The following CFAP77 variants were observed in gnomAD, a reference collection of about 807,000 sequenced individuals.
The protein encoded by CFAP77 is cilia and flagella associated protein 77, also known as cilia- and flagella-associated protein 77.
A neutral mutation model predicts 31.1 loss-of-function variants in CFAP77; 25 were observed. That is an observed-to-expected ratio of 0.80 (90% confidence interval 0.59 to 1.12). The LOEUF is 1.12. Among genes scored for constraint, CFAP77 ranks in the 50% most tolerant of loss-of-function variants. The pLI is 0.00. For missense variants in CFAP77, 377 were observed against 397.3 expected, an observed-to-expected ratio of 0.95 and a Z score of 0.44; for synonymous variants, 151 against 159.9, an observed-to-expected ratio of 0.94 and a Z score of 0.42.
intron 3 of CFAP77, among the ~76,000 whole-genome samples, chr9:132,535,739 A>G (rs572169685): frequency 6.6e-6 from 1 of 152,084 alleles, no homozygotes; most frequent in South Asian, 2.1e-4. Flanking sequence ...ATAAATAAAT[A>G]AATAAATAAA....
intron 5 of CFAP77, among the ~76,000 whole-genome samples, chr9:132,556,506 C>T: frequency 6.6e-6 from 1 of 152,148 alleles, no homozygotes; most frequent in East Asian, 1.9e-4. Flanking sequence ...TCCTCCATCT[C>T]CCATTCACTC....
At chr9:132,535,961 G>T (rs1852535181) in intron 3 of CFAP77, among the ~76,000 whole-genome samples, 1 of 151,838 alleles carries the variant, frequency 6.6e-6, no homozygotes, top group Non-Finnish European at 1.5e-5. Flanking sequence ...TTTCCTTCCT[G>T]TTCTCTCCCT....
chr9:132,431,213 C>T (rs1182918073), intron 1 of CFAP77, among the ~76,000 whole-genome samples: 1 of 152,212 alleles, frequency 6.6e-6, no homozygotes, highest in Non-Finnish European at 1.5e-5. Flanking sequence ...AACTTCCGTC[C>T]ACTGCAGAAG....
intron 1 of CFAP77, among the ~76,000 whole-genome samples, chr9:132,461,151 T>A (rs1278535493): frequency 6.6e-6 from 1 of 152,258 alleles, no homozygotes; most frequent in Non-Finnish European, 1.5e-5. Flanking sequence ...AAGTGCTGAA[T>A]GAAGGTTGGC....
At chr9:132,423,411 C>T (rs1850260927) in intron 1 of CFAP77, among the ~76,000 whole-genome samples, 2 of 152,224 alleles carry the variant, frequency 1.3e-5, no homozygotes, top group African/African-American at 4.8e-5. Flanking sequence ...TGCCCACTGA[C>T]AGCTGCTGCC....
At chr9:132,530,298 GTCTC>G (rs199847508) in intron 3 of CFAP77, among the ~76,000 whole-genome samples, 16 of 149,054 alleles carry the variant, frequency 1.1e-4, no homozygotes, top group African/African-American at 3.7e-4. Flanking sequence ...TTGAGACGGA[GTCTC>G]TCTCTCTCTG....
At chr9:132,426,041 C>G (rs993037819) in intron 1 of CFAP77, among the ~76,000 whole-genome samples, 1 of 152,198 alleles carries the variant, frequency 6.6e-6, no homozygotes, top group Non-Finnish European at 1.5e-5. Flanking sequence ...CACAAGCCGG[C>G]CAGTCATTCT....
chr9:132,493,206 T>C (rs1177921737), intron 1 of CFAP77, among the ~76,000 whole-genome samples: 1 of 152,074 alleles, frequency 6.6e-6, no homozygotes, highest in Non-Finnish European at 1.5e-5. Context: ...ATGATGGGGC[T>C]TTTCTGAGTG....
At chr9:132,533,284 G>C (rs1852489514) in intron 3 of CFAP77, among the ~76,000 whole-genome samples, 1 of 152,226 alleles carries the variant, frequency 6.6e-6, no homozygotes, top group South Asian at 2.1e-4. Context: ...GGGAAAGGTG[G>C]TTCCCATCGA....
intron 1 of CFAP77, among the ~76,000 whole-genome samples, chr9:132,440,387 G>A (rs570022458): frequency 6.6e-6 from 1 of 151,982 alleles, no homozygotes; most frequent in Non-Finnish European, 1.5e-5. Flanking sequence ...CACATTGACC[G>A]AACAGTTTCT....
Position 132,490,235 on chromosome 9 carries a change from C to T in CFAP77, c.196-8460C>T, listed in dbSNP as rs998581855. Among the ~76,000 whole-genome samples, 8 of 152,314 alleles carry T rather than the reference C, an allele frequency of 5.3e-5. No homozygotes were observed. Among genetic ancestry groups the T allele is most frequent in the Non-Finnish European group, 7.4e-5 (5 of 68,022 alleles). On this transcript the variant is annotated intron_variant, in intron 1 of 5. Coordinates refer to ENST00000393216, the MANE Select transcript of CFAP77 (RefSeq NM_001282957.2). This position sits in a 1 kb window ranked among gnomAD's most constrained non-coding sequence, Gnocchi z 4.6. ...TGACTCAACCACCCCCTAAAGGCCA[C>T]ACCCCTGAATACTGTTGCATTGGGA...
chr9:132,484,502 T>G (rs990071962), intron 1 of CFAP77, among the ~76,000 whole-genome samples: 1 of 152,236 alleles, frequency 6.6e-6, no homozygotes, highest in Non-Finnish European at 1.5e-5. Flanking sequence ...CTTTTGTGCC[T>G]GTCTGGATTC....
intron 1 of CFAP77, among the ~76,000 whole-genome samples, chr9:132,462,091 A>G (rs1212198185): frequency 6.6e-6 from 1 of 152,088 alleles, no homozygotes; most frequent in Non-Finnish European, 1.5e-5. Flanking sequence ...GCGATTAGTA[A>G]CTGTAACACA....
chr9:132,558,802 C>T (rs186872558), intron 5 of CFAP77, among the ~76,000 whole-genome samples: 46 of 150,250 alleles, frequency 3.1e-4, no homozygotes, highest in Admixed American at 3.3e-4. Flanking sequence ...CACCTGAGGT[C>T]GGGAGTTCGA....
intron 3 of CFAP77, among the ~76,000 whole-genome samples, chr9:132,533,254 G>A (rs542468146): frequency 3.3e-5 from 5 of 152,314 alleles, no homozygotes; most frequent in South Asian, 4.2e-4. Flanking sequence ...GTCACTGGCC[G>A]TGTTCTGGAT....
intron 1 of CFAP77, among the ~76,000 whole-genome samples, chr9:132,494,879 T>C (rs1851715560): frequency 6.6e-6 from 1 of 152,238 alleles, no homozygotes. Context: ...ATCTGCCTCT[T>C]TCTTATTGAT....
chr9:132,416,771 G>A (rs1850109211), intron 1 of CFAP77, among the ~76,000 whole-genome samples: 1 of 151,612 alleles, frequency 6.6e-6, no homozygotes, highest in African/African-American at 2.4e-5. Context: ...CCGAGTAGCT[G>A]GAATTACAGG....
intron 1 of CFAP77, among the ~76,000 whole-genome samples, chr9:132,484,614 C>G (rs1007650973): frequency 1.3e-5 from 2 of 152,170 alleles, no homozygotes; most frequent in East Asian, 3.8e-4. Context: ...GCGGATGTGC[C>G]AGGCTTGGCT....
At chr9:132,459,901 AGTGT>A (rs1163237235) in intron 1 of CFAP77, among the ~76,000 whole-genome samples, 4 of 148,714 alleles carry the variant, frequency 2.7e-5, no homozygotes, top group African/African-American at 7.5e-5. Flanking sequence ...TGAGTGTGTT[AGTGT>A]GTGAGTGTGA....
Sources: gnomAD v4.1 joint callset for allele counts (sites outside exome capture counted in the v4.1 genomes callset) on GRCh38, gnomAD v4.1.1 for gene constraint, Gnocchi (gnomAD v3.1) non-coding constraint, MANE v1.5 for transcripts, NCBI Gene and HGNC (gene_info 2026-07-23, HGNC 2026-07-21) for gene names.